CKAP2: variants seen among roughly 807,000 people sequenced by gnomAD.
CKAP2 encodes cytoskeleton associated protein 2.
Under a neutral mutation model 58.4 loss-of-function variants are expected in CKAP2, and 46 were observed. The observed-to-expected ratio is 0.79, with a 90% CI of 0.62 to 1.01. CKAP2 has a LOEUF of 1.01. Ranked by LOEUF, CKAP2 falls within the 50% of genes least tolerant of loss-of-function variation. CKAP2 has a pLI of 0.00. For missense variants in CKAP2, 809 were observed against 796.4 expected (o/e 1.02, Z -0.19); for synonymous variants, 293 against 280.9 (o/e 1.04, Z -0.43).
At position 52,462,604 on chromosome 13, in the gene CKAP2, G is replaced by A. The variant is rs1958604182; in HGVS notation, c.1305+37G>A. 4 of 1,503,518 alleles carry A rather than the reference G, an allele frequency of 2.7e-6. No individual in the cohort carries two copies. In the East Asian group the frequency reaches 9.1e-5, roughly 34 times the overall value. The allele number at this position is 1,503,518 out of a possible 1,614,324, so 93.1% of individuals were successfully genotyped here. ...ATATTTGCTTAGCATTTTATAGTTT[G>A]CAAATTACCTTCATAAGCATTATTT... On this transcript the variant is annotated intron_variant, in intron 5 of 8. Coordinates refer to ENST00000258607, the MANE Select transcript of CKAP2 (RefSeq NM_018204.5).
chr13:52,456,378 G>A, intron 1 of CKAP2, 145 bp from the exon 2 acceptor site: 5 of 743,544 alleles, frequency 6.7e-6, no homozygotes, highest in Middle Eastern at 4.0e-4. Context: ...AGGCAATATT[G>A]AATTGGAGAA....
At chr13:52,462,113 T>G (rs1169857802) in intron 4 of CKAP2, among the ~76,000 whole-genome samples, 187 bp downstream of exon 4, 1 of 152,240 alleles carries the variant, frequency 6.6e-6, no homozygotes, top group African/African-American at 2.4e-5. Flanking sequence ...TTTTATAAGG[T>G]TGCTTTTTAA....
In CKAP2 at chr13:52,461,060, T is replaced by G; in HGVS notation, c.234T>G (p.Ala78=). 6.3e-7 allele frequency: 1 copy of G among 1,598,404 alleles called. No homozygotes were observed. The highest frequency in any genetic ancestry group is 8.5e-7 in the Non-Finnish European group (1 of 1,175,082). Residue 78 remains alanine (A), a splice_region_variant and synonymous_variant, in exon 4 of 9, where the codon GCT becomes GCG. Coordinates refer to ENST00000258607, the MANE Select transcript of CKAP2 (RefSeq NM_018204.5). ...CTTTTCTTAAATAATTCTTTCAGGCTGATAAAGAAAACATGAAGAGACCTG... is the reference window on the plus strand; with the variant it reads ...CTTTTCTTAAATAATTCTTTCAGGCGGATAAAGAAAACATGAAGAGACCTG... ...TKVLKLKTKM[A]DKENMKRPAE...
intron 1 of CKAP2, 113 bp from the exon 2 acceptor site, chr13:52,456,410 C>G (rs148014722): frequency 1.2e-6 from 1 of 860,540 alleles, no homozygotes; most frequent in Non-Finnish European, 1.8e-6. Context: ...ATAGATGTGA[C>G]CTCAGGTGGA....
chr13:52,459,528 G>A (rs1038582562), intron 2 of CKAP2, among the ~76,000 whole-genome samples: 1 of 152,016 alleles, frequency 6.6e-6, no homozygotes, highest in Non-Finnish European at 1.5e-5. Flanking sequence ...TCGCCGTGTT[G>A]GCCAGGCTGG....
intron 2 of CKAP2, among the ~76,000 whole-genome samples, chr13:52,457,494 A>G (rs900676584): frequency 6.6e-6 from 1 of 152,194 alleles, no homozygotes; most frequent in African/African-American, 2.4e-5. Context: ...ACAAAAACCC[A>G]TGAAAGTAGA....
At chr13:52,458,182 A>G (rs1958517572) in intron 2 of CKAP2, among the ~76,000 whole-genome samples, 1 of 152,180 alleles carries the variant, frequency 6.6e-6, no homozygotes, top group Non-Finnish European at 1.5e-5. Flanking sequence ...TAAGTAAATG[A>G]ATGGTGATAA....
intron 5 of CKAP2, 111 bp downstream of exon 5, chr13:52,462,678 T>G: frequency 1.3e-6 from 1 of 779,404 alleles, no homozygotes; most frequent in African/African-American, 1.8e-5. Flanking sequence ...TTGGTGATAC[T>G]ATGTTGACTT....
chr13:52,455,916 G>C, intron 1 of CKAP2: 1 of 1,150,262 alleles, frequency 8.7e-7, no homozygotes, highest in Non-Finnish European at 1.1e-6. Context: ...GCCGGGGTCG[G>C]TGTCGGAGAC....
Position 52,474,063 on chromosome 13 carries a change from C to A in CKAP2, c.1781C>A (p.Ser594Tyr). 6.2e-7 allele frequency: 1 copy of A among 1,612,106 alleles called. No individual in the cohort carries two copies. The highest frequency in any genetic ancestry group is 8.5e-7 in the Non-Finnish European group (1 of 1,178,944). Residue 594 changes from serine (S) to tyrosine (Y), a missense_variant, in exon 8 of 9, where the codon TCT becomes TAT. Ser to Tyr is a moderately radical substitution (Grantham distance 144, BLOSUM62 -2). Transcript: ENST00000258607. ...RTSCLIKYNV[S>Y]TTPYLQSVKK... ...AGTTGCTTAATTAAATATAATGTGT[C>A]TACTACGCCATACTTGCAAAGGTAA...
chr13:52,465,880 A>G (rs530923960), intron 6 of CKAP2: 1 of 347,510 alleles, frequency 2.9e-6, no homozygotes, highest in African/African-American at 2.2e-5. Context: ...ACTCTTTAAG[A>G]GTAAACCCGA....
intron 1 of CKAP2, 124 bp from the exon 2 acceptor site, chr13:52,456,399 T>G (rs950791363): frequency 3.7e-6 from 3 of 810,230 alleles, no homozygotes; most frequent in Non-Finnish European, 5.9e-6. Flanking sequence ...TTTTCTGTTA[T>G]ATAGATGTGA....
At chr13:52,463,712 A>AG (rs1228255723) in intron 5 of CKAP2, among the ~76,000 whole-genome samples, 10 of 152,194 alleles carry the variant, frequency 6.6e-5, no homozygotes, top group Admixed American at 6.5e-4. Context: ...TGGGTTCTCT[A>AG]GGGATAAGGA....
At chr13:52,458,587 GTGCAGTGGCTCATGCC>G (rs1302121799) in intron 2 of CKAP2, among the ~76,000 whole-genome samples, 2 of 152,212 alleles carry the variant, frequency 1.3e-5, no homozygotes, top group Non-Finnish European at 2.9e-5. Context: ...TGTTGGCTGG[GTGCAGTGGCTCATGCC>G]TGTAATCCCA....
intron 2 of CKAP2, among the ~76,000 whole-genome samples, chr13:52,458,875 A>G (rs1958528442): frequency 6.6e-6 from 1 of 152,088 alleles, no homozygotes; most frequent in Non-Finnish European, 1.5e-5. Flanking sequence ...AAAAAAAGGA[A>G]AACAGATGTC....
At chr13:52,457,848 C>T (rs946139607) in intron 2 of CKAP2, among the ~76,000 whole-genome samples, 2 of 119,960 alleles carry the variant, frequency 1.7e-5, no homozygotes, top group South Asian at 2.7e-4. Flanking sequence ...AGCGAGACTC[C>T]GTCTCAAAAA....
chr13:52,472,221 A>G (rs552866022), intron 7 of CKAP2, among the ~76,000 whole-genome samples: 2 of 151,886 alleles, frequency 1.3e-5, no homozygotes, highest in African/African-American at 4.8e-5. Flanking sequence ...TCCCTATGCA[A>G]TATTTGATGC....
intron 2 of CKAP2, among the ~76,000 whole-genome samples, chr13:52,460,153 C>A (rs932933511): frequency 2.0e-5 from 3 of 152,160 alleles, no homozygotes; most frequent in African/African-American, 4.8e-5. Context: ...GCCACCACAA[C>A]CAGCAGTGCA....
In CKAP2 at chr13:52,455,485, GC is replaced by G; in HGVS notation, c.-71del. The G allele has an allele frequency of 6.4e-7, 1 of 1,574,458 alleles. No homozygotes were observed. The highest frequency in any genetic ancestry group is 8.7e-7 in the Non-Finnish European group (1 of 1,145,662). On this transcript the variant is annotated 5_prime_UTR_variant, in exon 1 of 9. Transcript: ENST00000258607. The stretch of plus-strand genomic sequence containing the variant: ...TGACGGCTTAGCCGCGGTGCAGACT[GC>G]GGCGGCGGTGGTCTGAGGAAGTTCT...
Sources: allele counts gnomAD v4.1 joint callset (sites outside exome capture counted in the v4.1 genomes callset), GRCh38; gene constraint gnomAD v4.1.1; transcripts MANE v1.5; gene names NCBI Gene and HGNC (gene_info 2026-07-23, HGNC 2026-07-21).